CLEC6A: variants seen among roughly 807,000 people sequenced by gnomAD.
CLEC6A encodes C-type lectin domain containing 6A, also known as C-type lectin domain family 6 member A.
CLEC6A carries 22 observed loss-of-function variants against 25.7 expected under a neutral mutation model. The ratio of observed to expected loss-of-function variants is 0.85; its 90% confidence interval spans 0.61 to 1.22. CLEC6A has a LOEUF of 1.22. Among genes scored for constraint, CLEC6A ranks in the 50% most tolerant of loss-of-function variants. The pLI is 0.00. For synonymous variants in CLEC6A, 92 were observed against 76.7 expected, an observed-to-expected ratio of 1.20 and a Z score of -1.04; for missense variants, 240 against 236.8, an observed-to-expected ratio of 1.01 and a Z score of -0.09.
intron 4 of CLEC6A, among the ~76,000 whole-genome samples, chr12:8,466,357 A>G (rs1249464966): frequency 6.6e-6 from 1 of 152,102 alleles, no homozygotes; most frequent in Non-Finnish European, 1.5e-5. Context: ...TGGGTGGGCA[A>G]ATAATCTTTT....
At chr12:8,460,869 T>G in intron 3 of CLEC6A, 1 of 893,004 alleles carries the variant, frequency 1.1e-6, no homozygotes, top group South Asian at 1.3e-5. Context: ...ACCGCAAGCC[T>G]GTCTATCACG....
chr12:8,477,084 G>T (rs1365236665), intron 5 of CLEC6A, among the ~76,000 whole-genome samples: 2 of 152,208 alleles, frequency 1.3e-5, no homozygotes, highest in East Asian at 3.9e-4. Context: ...GATTGCAGCG[G>T]AAAGATCTAG....
chr12:8,476,646 A>G (rs1237847265), intron 5 of CLEC6A, among the ~76,000 whole-genome samples: 1 of 152,038 alleles, frequency 6.6e-6, no homozygotes, highest in Non-Finnish European at 1.5e-5. Context: ...TAATAATACT[A>G]TTTACTTGTG....
intron 4 of CLEC6A, among the ~76,000 whole-genome samples, chr12:8,475,047 C>T (rs780563235): frequency 9.9e-5 from 15 of 152,152 alleles, no homozygotes; most frequent in East Asian, 9.7e-4. Flanking sequence ...CCCTACCCTA[C>T]GCAGGCCCCA....
intron 4 of CLEC6A, among the ~76,000 whole-genome samples, chr12:8,466,749 G>A (rs191493678): frequency 1.1e-4 from 17 of 151,674 alleles, no homozygotes; most frequent in African/African-American, 2.9e-4. Flanking sequence ...TCTGCCTCCC[G>A]GGTTCAAGCA....
chr12:8,456,183 G>T, intron 1 of CLEC6A, 41 bp downstream of exon 1: 1 of 1,597,188 alleles, frequency 6.3e-7, no homozygotes, highest in East Asian at 2.2e-5. Context: ...GGAAGTGTAT[G>T]GTGAAATGAG....
rs2136357916 is a variant in CLEC6A at position 8,460,962 on chromosome 12, C to T, written c.223+1264C>T. On this transcript the variant is annotated intron_variant, in intron 3 of 5. Transcript: ENST00000382073. The stretch of plus-strand genomic sequence containing the variant: ...GATGCCACTGTGGGGCTCTAAGAGT[C>T]CCAAATTCTTACTGCGTTGGTGAAG... 12 of 985,582 alleles carry T rather than the reference C, an allele frequency of 1.2e-5. No individual in the cohort carries two copies. The South Asian group carries it at 1.5e-4, about 13-fold the overall frequency. 61.1% of individuals were successfully genotyped at this position (985,582 alleles called of 1,614,324 possible).
intron 1 of CLEC6A, among the ~76,000 whole-genome samples, chr12:8,457,646 T>C (rs1939694508): frequency 6.6e-6 from 1 of 152,214 alleles, no homozygotes; most frequent in African/African-American, 2.4e-5. Flanking sequence ...TGGAAACATG[T>C]AATAGTTTAG....
At position 8,477,565 on chromosome 12, in the gene CLEC6A, A is replaced by G. The variant is rs1249538659; in HGVS notation, c.*101A>G. Reference sequence around the variant, plus strand: ...TCATGAAATGATAATTTCTTCCTGAATTTACACATAATCCTTATGTTATAG... The same window carrying G: ...TCATGAAATGATAATTTCTTCCTGAGTTTACACATAATCCTTATGTTATAG... On this transcript the variant is annotated 3_prime_UTR_variant, in exon 6 of 6. Coordinates refer to ENST00000382073, the MANE Select transcript of CLEC6A (RefSeq NM_001007033.2). The G allele has an allele frequency of 4.6e-6, 4 of 875,006 alleles. No homozygotes were observed. The Admixed American group carries it at 1.2e-4, about 26-fold the overall frequency. 54.2% of individuals were successfully genotyped at this position (875,006 alleles called of 1,614,324 possible). A position where few individuals can be genotyped will look rare whatever the true frequency, so the allele number is the denominator to read the frequency against.
At chr12:8,464,960 C>T (rs1939811090) in intron 3 of CLEC6A, among the ~76,000 whole-genome samples, 1 of 152,108 alleles carries the variant, frequency 6.6e-6, no homozygotes. Flanking sequence ...GAGGTTGGCA[C>T]TATTATTATT....
At chr12:8,468,410 A>G (rs917107828) in intron 4 of CLEC6A, among the ~76,000 whole-genome samples, 6 of 152,204 alleles carry the variant, frequency 3.9e-5, no homozygotes, top group African/African-American at 1.4e-4. Context: ...GGTTTGTTAC[A>G]TATAAGATTA....
intron 3 of CLEC6A, among the ~76,000 whole-genome samples, chr12:8,465,264 A>G (rs1183389430): frequency 6.6e-6 from 1 of 151,898 alleles, no homozygotes; most frequent in Non-Finnish European, 1.5e-5. Flanking sequence ...TTTGCAAAAA[A>G]GAAAATTGGG....
At chr12:8,458,990 C>T (rs1171174832) in intron 2 of CLEC6A, among the ~76,000 whole-genome samples, 1 of 151,974 alleles carries the variant, frequency 6.6e-6, no homozygotes, top group Non-Finnish European at 1.5e-5. Flanking sequence ...TTAAAGTTTC[C>T]CCTTGGTGGT....
At chr12:8,466,237 T>C (rs1939827531) in intron 4 of CLEC6A, among the ~76,000 whole-genome samples, 1 of 152,214 alleles carries the variant, frequency 6.6e-6, no homozygotes, top group Admixed American at 6.5e-5. Context: ...CTTTTTCTCC[T>C]TTTTTGTGGT....
At chr12:8,458,915 T>G (rs1377372784) in intron 2 of CLEC6A, among the ~76,000 whole-genome samples, 1 of 152,206 alleles carries the variant, frequency 6.6e-6, no homozygotes, top group Non-Finnish European at 1.5e-5. Flanking sequence ...AAGGTCTTGC[T>G]GAAAGTGAAC....
chr12:8,476,023 G>A (rs1472302634), intron 4 of CLEC6A, 102 bp from the exon 5 acceptor site: 1 of 662,700 alleles, frequency 1.5e-6, no homozygotes, highest in African/African-American at 1.8e-5. Context: ...CTTGCACCTT[G>A]TGTTTTCTTC....
chr12:8,461,282 C>CAA, intron 3 of CLEC6A: 1 of 487,608 alleles, frequency 2.1e-6, no homozygotes, highest in East Asian at 3.3e-5. Flanking sequence ...TTAGGACAGT[C>CAA]AAAAAAAAAC....
chr12:8,466,888 G>A (rs1285684204), intron 4 of CLEC6A, among the ~76,000 whole-genome samples: 1 of 152,136 alleles, frequency 6.6e-6, no homozygotes, highest in African/African-American at 2.4e-5. Context: ...TCCTGACCTC[G>A]TGATCCACCT....
intron 4 of CLEC6A, among the ~76,000 whole-genome samples, chr12:8,475,681 T>C (rs1019949514): frequency 1.3e-5 from 2 of 152,098 alleles, no homozygotes; most frequent in Non-Finnish European, 2.9e-5. Context: ...GGCTAATGCA[T>C]ACCCACACTG....
Sources: gnomAD v4.1 joint callset for allele counts (sites outside exome capture counted in the v4.1 genomes callset) on GRCh38, gnomAD v4.1.1 for gene constraint, MANE v1.5 for transcripts, NCBI Gene and HGNC (gene_info 2026-07-23, HGNC 2026-07-21) for gene names.